Variants in IMPA1 observed in about 807,000 individuals in gnomAD.
IMPA1 encodes the protein inositol monophosphatase 1.
Under a neutral mutation model 34.9 loss-of-function variants are expected in IMPA1, and 21 were observed. The ratio of observed to expected loss-of-function variants is 0.60; its 90% CI spans 0.43 to 0.87. The LOEUF is 0.87. Among genes scored for constraint, IMPA1 ranks in the 40% least tolerant of loss-of-function variants. The probability of loss-of-function intolerance (pLI) is 0.00; values close to 1 mark genes in which losing one functional copy is unlikely to be tolerated. For synonymous variants in IMPA1, 95 were observed against 104.4 expected, an observed-to-expected ratio of 0.91 and a Z score of 0.55; for missense variants, 299 against 336.4, an observed-to-expected ratio of 0.89 and a Z score of 0.87.
chr8:81,674,232 C>T (rs781238704), intron 5 of IMPA1: 1 of 299,560 alleles, frequency 3.3e-6, no homozygotes, highest in Non-Finnish European at 6.2e-6. Context: ...TCTAAGTGAA[C>T]GCTTCTCCGG....
rs1806573245 is a variant in IMPA1 at position 81,658,230 on chromosome 8, G to A, written c.*1121C>T. The A allele has an allele frequency of 1.3e-5, 2 of 152,182 alleles. No individual in the cohort carries two copies. Among genetic ancestry groups the A allele is most frequent in the Non-Finnish European group, 2.9e-5 (2 of 68,000 alleles). 9.4% of individuals were successfully genotyped at this position (152,182 alleles called of 1,614,324 possible). On this transcript the variant is annotated 3_prime_UTR_variant, in exon 9 of 9. Coordinates refer to ENST00000256108, the MANE Select transcript of IMPA1 (RefSeq NM_005536.4). ...GTCTAGTAGTCTGTTTACGTGCCAAGGGATAAGGCTGAACAATAAATTAAC... is the reference window on the plus strand; with the variant it reads ...GTCTAGTAGTCTGTTTACGTGCCAAAGGATAAGGCTGAACAATAAATTAAC...
intron 4 of IMPA1, chr8:81,678,650 C>A: frequency 5.2e-6 from 1 of 191,232 alleles, no homozygotes; most frequent in South Asian, 7.4e-5. Context: ...CAAGACTGCG[C>A]CATTGCATCT....
intron 7 of IMPA1, among the ~76,000 whole-genome samples, chr8:81,663,391 G>T (rs936888740): frequency 6.6e-6 from 1 of 152,148 alleles, no homozygotes; most frequent in African/African-American, 2.4e-5. Context: ...TAATTAGTTT[G>T]TACATGGTCA....
In IMPA1 at chr8:81,660,518, G is replaced by A. The variant is rs1401939695; in HGVS notation, c.716C>T (p.Thr239Ile). 4 of 1,612,352 alleles carry A rather than the reference G, an allele frequency of 2.5e-6. No individual in the cohort carries two copies. The highest frequency in any genetic ancestry group is 2.5e-6 in the Non-Finnish European group (3 of 1,179,006). The change falls in exon 8 of 9, where the codon ACA (threonine) becomes ATA (isoleucine). Residue 239 changes from threonine (T) to isoleucine (I), a missense_variant and splice_region_variant. Transcript: ENST00000256108. ...TEAGGVLMDV[T>I]GGPFDLMSRR... Reference sequence around the variant, plus strand: ...TGCTTCACTCTCCATAATTTTACCTGTAACATCCATTAGCACGCCACCAGC... The same window carrying A: ...TGCTTCACTCTCCATAATTTTACCTATAACATCCATTAGCACGCCACCAGC...
At position 81,671,039 on chromosome 8, in the gene IMPA1, T is replaced by C; in HGVS notation, c.466A>G (p.Lys156Glu). 4 of 1,471,302 alleles carry C rather than the reference T, an allele frequency of 2.7e-6. No homozygotes were observed. The highest frequency in any genetic ancestry group is 1.4e-5 in the South Asian group (1 of 70,174). The allele number at this position is 1,471,302 out of a possible 1,614,324, so 91.1% of individuals were successfully genotyped here. ...LQVSQQEDIT[K>E]SLLVTELGSS... Reference sequence around the variant, plus strand: ...CCCAACTCAGTCACCAAGAGAGATTTGGTAATATCTAAAAAGAAAGTGTTA... The same window carrying C: ...CCCAACTCAGTCACCAAGAGAGATTCGGTAATATCTAAAAAGAAAGTGTTA... The change falls in exon 7 of 9, where the codon AAA (lysine) becomes GAA (glutamate). Residue 156 changes from lysine to glutamate, a missense_variant. Physicochemically the swap from Lys to Glu is moderately conservative, Grantham distance 56. Coordinates refer to ENST00000256108, the MANE Select transcript of IMPA1 (RefSeq NM_005536.4).
chr8:81,681,995 T>C (rs1432887518), intron 1 of IMPA1, among the ~76,000 whole-genome samples: 2 of 152,090 alleles, frequency 1.3e-5, no homozygotes, highest in Non-Finnish European at 2.9e-5. Context: ...AAAAGGTACT[T>C]GAAAAAATTA....
intron 4 of IMPA1, among the ~76,000 whole-genome samples, chr8:81,676,576 G>C (rs1807137584): frequency 1.3e-5 from 2 of 152,332 alleles, no homozygotes; most frequent in South Asian, 4.1e-4. Context: ...ACTTGTAACA[G>C]TGGTCATCTC....
intron 1 of IMPA1, among the ~76,000 whole-genome samples, chr8:81,684,517 C>A (rs1037280502): frequency 8.3e-6 from 1 of 120,132 alleles, no homozygotes; most frequent in Non-Finnish European, 1.7e-5. Flanking sequence ...TCTTTAGATA[C>A]TATGTGTAGT....
At chr8:81,683,260 T>G (rs1178865362) in intron 1 of IMPA1, among the ~76,000 whole-genome samples, 1 of 152,102 alleles carries the variant, frequency 6.6e-6, no homozygotes, top group African/African-American at 2.4e-5. Context: ...GATAAGACAT[T>G]GATTGAAGGG....
chr8:81,676,090 A>C (rs541911647), intron 5 of IMPA1, 144 bp downstream of exon 5: 195 of 384,442 alleles, frequency 5.1e-4, no homozygotes, highest in African/African-American at 3.5e-3. Context: ...GAAAATTTTA[A>C]CAGTCCTGTA....
chr8:81,684,130 T>TAC (rs987057002), intron 1 of IMPA1, among the ~76,000 whole-genome samples: 23 of 114,222 alleles, frequency 2.0e-4, no homozygotes, highest in African/African-American at 6.5e-4. Context: ...CACACACACA[T>TAC]ACACACATAC....
At chr8:81,662,861 T>C (rs117960081) in intron 7 of IMPA1, among the ~76,000 whole-genome samples, 22 of 152,318 alleles carry the variant, frequency 1.4e-4, no homozygotes, top group Non-Finnish European at 2.6e-4. Context: ...TCTACATGAA[T>C]TCCTGAAAAT....
Position 81,684,566 on chromosome 8 carries a change from T to G in IMPA1, c.-25+1686A>C, listed in dbSNP as rs529263894. ...ATAAGTATCTTTAGATACTAATGTG[T>G]AGTATATATACTACACATAAGTATC... On this transcript the variant is annotated intron_variant, in intron 1 of 8. Transcript: ENST00000256108. Among the ~76,000 whole-genome samples, 8 of 143,180 alleles carry G rather than the reference T, an allele frequency of 5.6e-5. 1 individual carries two copies. Among genetic ancestry groups the G allele is most frequent in the Non-Finnish European group, 9.1e-5 (6 of 65,850 alleles). The allele number at this position is 143,180 out of a possible 152,430, so 93.9% of individuals were successfully genotyped here.
At chr8:81,659,786 G>C (rs1331818298) in intron 8 of IMPA1, among the ~76,000 whole-genome samples, 5 of 152,124 alleles carry the variant, frequency 3.3e-5, no homozygotes, top group Non-Finnish European at 7.4e-5. Context: ...TCATACCACT[G>C]TCCTTCCCAT....
At chr8:81,678,716 CATA>C in intron 4 of IMPA1, 1 of 169,788 alleles carries the variant, frequency 5.9e-6, no homozygotes, top group Non-Finnish European at 1.3e-5. Context: ...CATATTTTTA[CATA>C]GTTACTACTA....
In IMPA1 at chr8:81,658,797, A is replaced by C. The variant is rs186055893; in HGVS notation, c.*554T>G. Reference sequence around the variant, plus strand: ...GTAACTAGGAATTACTACATTAAAAATATTCATTCTTACAATGTTTGTTTT... The same window carrying C: ...GTAACTAGGAATTACTACATTAAAACTATTCATTCTTACAATGTTTGTTTT... On this transcript the variant is annotated 3_prime_UTR_variant, in exon 9 of 9. Transcript: ENST00000256108. 6.5e-6 allele frequency: 1 copy of C among 152,806 alleles called. No homozygotes were observed. Among genetic ancestry groups the C allele is most frequent in the East Asian group, 1.9e-4 (1 of 5,196 alleles). The allele number at this position is 152,806 out of a possible 1,614,324, so 9.5% of individuals were successfully genotyped here. A position where few individuals can be genotyped will look rare whatever the true frequency, so the allele number is the denominator to read the frequency against.
intron 2 of IMPA1, 104 bp downstream of exon 2, chr8:81,681,394 T>C: frequency 1.4e-6 from 1 of 719,700 alleles, no homozygotes; most frequent in Non-Finnish European, 2.4e-6. Flanking sequence ...CAAGACCGTT[T>C]CAAAAAAAGA....
chr8:81,677,186 C>T (rs1807156658), intron 4 of IMPA1, among the ~76,000 whole-genome samples: 1 of 151,794 alleles, frequency 6.6e-6, no homozygotes, highest in Admixed American at 6.6e-5. Context: ...ACCTCCACTT[C>T]CCGGGTTCAA....
At chr8:81,666,440 TAAAAG>T (rs1806823269) in intron 7 of IMPA1, among the ~76,000 whole-genome samples, 1 of 152,176 alleles carries the variant, frequency 6.6e-6, no homozygotes, top group African/African-American at 2.4e-5. Flanking sequence ...ACCTATCTGT[TAAAAG>T]AAAAAGATTT....
Sources: allele counts gnomAD v4.1 joint callset (sites outside exome capture counted in the v4.1 genomes callset), GRCh38; gene constraint gnomAD v4.1.1; transcripts MANE v1.5; gene names NCBI Gene and HGNC (gene_info 2026-07-23, HGNC 2026-07-21).